Variants in FNDC3B observed in about 807,000 individuals in gnomAD.
The protein encoded by FNDC3B is fibronectin type III domain containing 3B, also known as fibronectin type III domain-containing protein 3B.
Under a neutral mutation model 151.5 loss-of-function variants are expected in FNDC3B, and 12 were observed. The observed-to-expected ratio is 0.08, with a 90% CI of 0.05 to 0.13. FNDC3B has a LOEUF of 0.13. Ranked by LOEUF, FNDC3B falls within the 10% of genes least tolerant of loss-of-function variation. The pLI, the probability that FNDC3B is intolerant of heterozygous loss-of-function variation, is 1.00. For missense variants in FNDC3B, 1,214 were observed against 1,505.3 expected, an observed-to-expected ratio of 0.81 and a Z score of 3.20; for synonymous variants, 528 against 549.0, an observed-to-expected ratio of 0.96 and a Z score of 0.54.
Position 172,397,683 on chromosome 3 carries a change from AAG to A in FNDC3B, c.*210_*211del, listed in dbSNP as rs1736361106. ...AAACTGGATTTTTTTTTTTAAAAAA[AAG>A]AAAAAAAAAGAAGAAAAGTATACCA... On this transcript the variant is annotated 3_prime_UTR_variant, in exon 26 of 26. Coordinates refer to ENST00000415807, the MANE Select transcript of FNDC3B (RefSeq NM_022763.4). 1 of 243,798 alleles carries A rather than the reference AAG, an allele frequency of 4.1e-6. No homozygotes were observed. Among genetic ancestry groups the A allele is most frequent in the Non-Finnish European group, 6.6e-6 (1 of 152,128 alleles). The allele number at this position is 243,798 out of a possible 1,614,324, so 15.1% of individuals were successfully genotyped here. A position where few individuals can be genotyped will look rare whatever the true frequency, so the allele number is the denominator to read the frequency against.
At chr3:172,144,290 C>G (rs761338727) in intron 3 of FNDC3B, among the ~76,000 whole-genome samples, 1 of 152,154 alleles carries the variant, frequency 6.6e-6, no homozygotes, top group Non-Finnish European at 1.5e-5. Flanking sequence ...GACCCATCCT[C>G]ACAATCCAGT....
chr3:172,366,170 A>G lies in FNDC3B; in HGVS notation c.3008+3325A>G, dbSNP rs560274163. On this transcript the variant is annotated intron_variant, in intron 23 of 25. Transcript: ENST00000415807. ...CAAAAACCCCTCAGGTTCTGCAACT[A>G]TGATGCACTGATTTATGATGTTTAT... Among the ~76,000 whole-genome samples the G allele has an allele frequency of 1.1e-4, 16 of 152,364 alleles. No individual in the cohort carries two copies. In the South Asian group the frequency reaches 2.9e-3, roughly 28 times the overall value.
At chr3:172,314,204 C>T (rs1165655692) in intron 11 of FNDC3B, among the ~76,000 whole-genome samples, 4 of 152,130 alleles carry the variant, frequency 2.6e-5, no homozygotes, top group South Asian at 2.1e-4. Context: ...CCCACCCCTC[C>T]CCTCTCTAAG....
intron 1 of FNDC3B, among the ~76,000 whole-genome samples, chr3:172,101,160 T>G (rs1194129313): frequency 6.6e-6 from 1 of 152,178 alleles, no homozygotes; most frequent in Non-Finnish European, 1.5e-5. Context: ...GAAATGAAGG[T>G]TAAGGCATGG....
chr3:172,245,646 A>T (rs1055391358), intron 4 of FNDC3B, among the ~76,000 whole-genome samples: 3 of 152,094 alleles, frequency 2.0e-5, no homozygotes, highest in Non-Finnish European at 4.4e-5. Context: ...AGCTTTGATG[A>T]TAATTATCAA....
At chr3:172,276,186 A>G (rs1201948048) in intron 6 of FNDC3B, among the ~76,000 whole-genome samples, 1 of 152,180 alleles carries the variant, frequency 6.6e-6, no homozygotes, top group Non-Finnish European at 1.5e-5. Flanking sequence ...TGCCACTGAA[A>G]TCTCTCACTT....
intron 4 of FNDC3B, among the ~76,000 whole-genome samples, chr3:172,233,402 T>C (rs1726982295): frequency 6.6e-6 from 1 of 152,224 alleles, no homozygotes; most frequent in Admixed American, 6.5e-5. Context: ...TCAGTACCTG[T>C]TGAAATTATA....
intron 6 of FNDC3B, among the ~76,000 whole-genome samples, chr3:172,275,425 A>G (rs1437393623): frequency 6.6e-6 from 1 of 152,214 alleles, no homozygotes; most frequent in East Asian, 1.9e-4. Context: ...CCTTTATTTT[A>G]TACAGAAACC....
At chr3:172,260,728 A>G (rs540307940) in intron 6 of FNDC3B, among the ~76,000 whole-genome samples, 5 of 152,272 alleles carry the variant, frequency 3.3e-5, no homozygotes, top group Admixed American at 6.5e-5. Flanking sequence ...CCACTCCCCA[A>G]AAAAGGTTCT....
intron 23 of FNDC3B, among the ~76,000 whole-genome samples, chr3:172,372,527 G>A (rs1443868835): frequency 6.6e-6 from 1 of 152,194 alleles, no homozygotes; most frequent in East Asian, 1.9e-4. Flanking sequence ...AAATAACAAA[G>A]TGAGCATTTT....
chr3:172,359,166 A>G (rs553938915), intron 22 of FNDC3B, among the ~76,000 whole-genome samples: 1 of 152,314 alleles, frequency 6.6e-6, no homozygotes, highest in East Asian at 1.9e-4. Context: ...TGAATTTACA[A>G]CAGAAGCCAA....
chr3:172,333,903 C>T (rs1463344955), intron 14 of FNDC3B, among the ~76,000 whole-genome samples: 4 of 151,826 alleles, frequency 2.6e-5, no homozygotes, highest in Non-Finnish European at 5.9e-5. Context: ...CCCCTCCCTA[C>T]CTGGGCTGTC....
rs776658749 is a variant in FNDC3B, at chr3:172,378,428, C to A, written c.3167C>A (p.Thr1056Asn). ...TFSTTKSVPPTIKAPRVTQLE... is the reference protein window; with the variant it reads ...TFSTTKSVPPNIKAPRVTQLE... ...AGCACAACCAAAAGTGTCCCCCCCA[C>A]CATCAAAGGTGTGTAGACTATGTAT... is the stretch of plus-strand genomic sequence containing the variant. The change falls in exon 24 of 26, where the codon ACC becomes AAC. Residue 1056 changes from threonine to asparagine, a missense_variant. By Grantham distance (65) the Thr-to-Asn change is moderately conservative. Transcript: ENST00000415807. The A allele has an allele frequency of 1.7e-5, 27 of 1,610,358 alleles. No homozygotes were observed. In the Admixed American group the frequency reaches 2.2e-4, roughly 13 times the overall value.
At chr3:172,348,566 A>T (rs888088859) in intron 21 of FNDC3B, among the ~76,000 whole-genome samples, 2 of 152,208 alleles carry the variant, frequency 1.3e-5, no homozygotes, top group Admixed American at 6.5e-5. Context: ...ATAAATAAAG[A>T]GCTGTCTGCC....
At chr3:172,055,621 A>AT (rs2108464121) in intron 1 of FNDC3B, among the ~76,000 whole-genome samples, 1 of 151,980 alleles carries the variant, frequency 6.6e-6, no homozygotes, top group African/African-American at 2.4e-5. Flanking sequence ...ATTTAGTGTG[A>AT]TTTTGGGTCT....
rs572453554 is a variant in FNDC3B, at chr3:172,397,674, T to A, written c.*199T>A. The A allele has an allele frequency of 3.0e-3, 839 of 277,700 alleles. 5 individuals carry two copies. The highest frequency in any genetic ancestry group is 0.019 in the African/African-American group (391 of 20,350). The allele number at this position is 277,700 out of a possible 1,614,324, so 17.2% of individuals were successfully genotyped here. Reference sequence around the variant, plus strand: ...GAAAAGGTTAAACTGGATTTTTTTTTTTAAAAAAAAGAAAAAAAAAGAAGA... The same window carrying A: ...GAAAAGGTTAAACTGGATTTTTTTTATTAAAAAAAAGAAAAAAAAAGAAGA... On this transcript the variant is annotated 3_prime_UTR_variant, in exon 26 of 26. Coordinates refer to ENST00000415807, the MANE Select transcript of FNDC3B (RefSeq NM_022763.4).
intron 23 of FNDC3B, among the ~76,000 whole-genome samples, chr3:172,370,548 T>A (rs1413895244): frequency 6.6e-6 from 1 of 152,244 alleles, no homozygotes; most frequent in Non-Finnish European, 1.5e-5. Flanking sequence ...CTCATAAAAG[T>A]TCCTGCCAAG....
At chr3:172,136,766 C>T (rs533044866) in intron 3 of FNDC3B, among the ~76,000 whole-genome samples, 2 of 152,294 alleles carry the variant, frequency 1.3e-5, no homozygotes, top group South Asian at 2.1e-4. Flanking sequence ...GTCGCCCAGG[C>T]TGGAGTGCAG....
intron 8 of FNDC3B, among the ~76,000 whole-genome samples, chr3:172,296,059 G>T (rs565907519): frequency 6.6e-6 from 1 of 152,156 alleles, no homozygotes; most frequent in Non-Finnish European, 1.5e-5. Flanking sequence ...TGGACTCCCA[G>T]GTATTGACCA....
Sources: allele counts gnomAD v4.1 joint callset (sites outside exome capture counted in the v4.1 genomes callset), GRCh38; gene constraint gnomAD v4.1.1; transcripts MANE v1.5; gene names NCBI Gene and HGNC (gene_info 2026-07-23, HGNC 2026-07-21).